The following SPAG16 variants were observed in gnomAD, a reference collection of about 807,000 sequenced individuals.
SPAG16 encodes the protein sperm associated antigen 16.
In SPAG16, 86 loss-of-function variants were observed where a neutral mutation model predicts 80.4. That is an observed-to-expected ratio of 1.07 (90% CI 0.90 to 1.28). The LOEUF (loss-of-function observed/expected upper bound fraction) is 1.28, where lower values mean the gene tolerates loss of function less well. Ranked by LOEUF, SPAG16 falls within the 50% of genes most tolerant of loss-of-function variation. The pLI is 0.00. For missense variants in SPAG16, 870 were observed against 765.3 expected, an observed-to-expected ratio of 1.14 and a Z score of -1.61; for synonymous variants, 294 against 265.9, an observed-to-expected ratio of 1.11 and a Z score of -1.03.
At chr2:214,168,720 A>T (rs578150086) in intron 15 of SPAG16, among the ~76,000 whole-genome samples, 1 of 152,270 alleles carries the variant, frequency 6.6e-6, no homozygotes, top group African/African-American at 2.4e-5. Context: ...AGTTAAAAAA[A>T]TGTTGCAGAG....
chr2:213,587,935 C>T (rs1324135573), intron 10 of SPAG16, among the ~76,000 whole-genome samples: 1 of 151,930 alleles, frequency 6.6e-6, no homozygotes, highest in Non-Finnish European at 1.5e-5. Context: ...GGTCATATGC[C>T]CCTTAGAAAT....
At chr2:214,305,430 A>G (rs1694846339) in intron 15 of SPAG16, among the ~76,000 whole-genome samples, 1 of 152,102 alleles carries the variant, frequency 6.6e-6, no homozygotes, top group Admixed American at 6.6e-5. Flanking sequence ...TGGTGTCTTC[A>G]TCATGAAATC....
chr2:214,207,978 A>T (rs956701864), intron 15 of SPAG16, among the ~76,000 whole-genome samples: 4 of 152,200 alleles, frequency 2.6e-5, no homozygotes, highest in African/African-American at 9.6e-5. Flanking sequence ...CTGCACTGTC[A>T]GCTTCCCTAC....
At chr2:213,885,008 A>C (rs1336233651) in intron 11 of SPAG16, among the ~76,000 whole-genome samples, 1 of 152,148 alleles carries the variant, frequency 6.6e-6, no homozygotes, top group East Asian at 1.9e-4. Flanking sequence ...ACTGGTTAAG[A>C]ATCATTGCTG....
At chr2:213,410,427 A>C (rs1431703570) in intron 9 of SPAG16, among the ~76,000 whole-genome samples, 1 of 152,166 alleles carries the variant, frequency 6.6e-6, no homozygotes, top group East Asian at 1.9e-4. Flanking sequence ...GGGACCATTT[A>C]ATCCAAGGAG....
intron 7 of SPAG16, among the ~76,000 whole-genome samples, chr2:213,352,204 A>T (rs1403153954): frequency 6.7e-6 from 1 of 149,982 alleles, no homozygotes; most frequent in African/African-American, 2.5e-5. Flanking sequence ...TCTATTCTTT[A>T]TAAAATACCC....
rs58070679 is a variant in SPAG16 at position 213,728,876 on chromosome 2, C to CAAAAAAAAAAAAAAA, written c.1071-133578_1071-133564dup. ...TGGGCGACAGAGTGAGACTCCGTCT[C>CAAAAAAAAAAAAAAA]AAAAAAAAAAAAAAAAAAAAAAAAA... On this transcript the variant is annotated intron_variant, in intron 10 of 15. Coordinates refer to ENST00000331683, the MANE Select transcript of SPAG16 (RefSeq NM_024532.5). Among the ~76,000 whole-genome samples the CAAAAAAAAAAAAAAA allele has an allele frequency of 7.7e-4, 45 of 58,452 alleles. 2 individuals are homozygous for CAAAAAAAAAAAAAAA. The highest frequency in any genetic ancestry group is 2.0e-3 in the East Asian group (4 of 1,982). The allele number at this position is 58,452 out of a possible 152,430, so 38.3% of individuals were successfully genotyped here. A position where few individuals can be genotyped will look rare whatever the true frequency, so the allele number is the denominator to read the frequency against.
chr2:214,178,748 C>T (rs988301399), intron 15 of SPAG16, among the ~76,000 whole-genome samples: 1 of 151,072 alleles, frequency 6.6e-6, no homozygotes, highest in Non-Finnish European at 1.5e-5. Context: ...TTTCTATTAC[C>T]CAGTATTCGA....
At chr2:213,401,901 T>G (rs1349576536) in intron 9 of SPAG16, among the ~76,000 whole-genome samples, 1 of 152,132 alleles carries the variant, frequency 6.6e-6, no homozygotes, top group Non-Finnish European at 1.5e-5. Flanking sequence ...AGCATGCACA[T>G]GTAATACAAT....
At chr2:213,515,267 C>T (rs545114383) in intron 10 of SPAG16, among the ~76,000 whole-genome samples, 10 of 152,148 alleles carry the variant, frequency 6.6e-5, no homozygotes, top group Non-Finnish European at 1.5e-4. Context: ...TCAAACTGCA[C>T]TTTATCCTCC....
intron 10 of SPAG16, among the ~76,000 whole-genome samples, chr2:213,551,489 T>A (rs1160164511): frequency 6.6e-6 from 1 of 152,196 alleles, no homozygotes; most frequent in Non-Finnish European, 1.5e-5. Context: ...TAGGTTTTGG[T>A]ATCAGAGTAT....
At chr2:213,419,828 A>G (rs2069483688) in intron 9 of SPAG16, among the ~76,000 whole-genome samples, 1 of 152,206 alleles carries the variant, frequency 6.6e-6, no homozygotes. Context: ...TAATAATGTA[A>G]GAGATCCGTA....
In SPAG16 at chr2:213,419,065, G is replaced by A. The variant is rs551507270; in HGVS notation, c.942+43946G>A. Among the ~76,000 whole-genome samples the A allele has an allele frequency of 2.0e-4, 19 of 95,574 alleles. No homozygotes were observed. The South Asian group carries it at 3.2e-3, about 16-fold the overall frequency. The allele number at this position is 95,574 out of a possible 152,430, so 62.7% of individuals were successfully genotyped here. ...GGAATAGAGAGAGTGATGAGGACTG[G>A]GAATAAAAGGGGTAAACTGTCCTGT... On this transcript the variant is annotated intron_variant, in intron 9 of 15. Coordinates refer to ENST00000331683, the MANE Select transcript of SPAG16 (RefSeq NM_024532.5).
At chr2:213,612,642 G>A (rs1422889789) in intron 10 of SPAG16, among the ~76,000 whole-genome samples, 4 of 152,010 alleles carry the variant, frequency 2.6e-5, no homozygotes, top group Admixed American at 6.6e-5. Flanking sequence ...CCTTCTTCGC[G>A]CTCACTGCTC....
chr2:213,599,384 A>T (rs576428090), intron 10 of SPAG16, among the ~76,000 whole-genome samples: 2 of 152,270 alleles, frequency 1.3e-5, no homozygotes, highest in East Asian at 1.9e-4. Context: ...AGGTCCACTT[A>T]TACTTGGACC....
chr2:213,739,565 C>T (rs1317214069), intron 10 of SPAG16, among the ~76,000 whole-genome samples: 1 of 152,200 alleles, frequency 6.6e-6, no homozygotes, highest in Non-Finnish European at 1.5e-5. Context: ...TGTTTTGACA[C>T]TAAATTACAA....
At chr2:213,891,074 T>C (rs1007884408) in intron 11 of SPAG16, among the ~76,000 whole-genome samples, 4 of 152,098 alleles carry the variant, frequency 2.6e-5, no homozygotes, top group Non-Finnish European at 4.4e-5. Context: ...CTTTTTGTTT[T>C]AATTTTTACA....
intron 13 of SPAG16, among the ~76,000 whole-genome samples, chr2:214,040,597 T>C (rs1339961576): frequency 1.3e-5 from 2 of 152,190 alleles, no homozygotes; most frequent in African/African-American, 4.8e-5. Flanking sequence ...TCCAGCTCCA[T>C]CCATGTCCCT....
chr2:213,994,740 A>G (rs544577113), intron 12 of SPAG16, among the ~76,000 whole-genome samples: 1 of 152,282 alleles, frequency 6.6e-6, no homozygotes, highest in South Asian at 2.1e-4. Flanking sequence ...CAGCTATAAT[A>G]TAAAGGAAAT....
Sources: allele counts gnomAD v4.1 joint callset (sites outside exome capture counted in the v4.1 genomes callset), GRCh38; gene constraint gnomAD v4.1.1; transcripts MANE v1.5; gene names NCBI Gene and HGNC (gene_info 2026-07-23, HGNC 2026-07-21).